The following TSHZ3 variants were observed in gnomAD, a reference collection of about 807,000 sequenced individuals.
TSHZ3 encodes the protein teashirt homolog 3.
Under a neutral mutation model 64.5 loss-of-function variants are expected in TSHZ3, and 10 were observed. The observed-to-expected ratio is 0.16, with a 90% CI of 0.10 to 0.26. TSHZ3 has a LOEUF of 0.26. Ranked by LOEUF, TSHZ3 falls within the 10% of genes least tolerant of loss-of-function variation. The probability of loss-of-function intolerance (pLI) is 1.00; values close to 1 mark genes in which losing one functional copy is unlikely to be tolerated. For synonymous variants in TSHZ3, 608 were observed against 593.1 expected, an observed-to-expected ratio of 1.03 and a Z score of -0.36; for missense variants, 1,242 against 1,421.7, an observed-to-expected ratio of 0.87 and a Z score of 2.03.
downstream of TSHZ3, among the ~76,000 whole-genome samples, chr19:31,273,654 T>A (rs894573682): frequency 6.6e-6 from 1 of 152,204 alleles, no homozygotes; most frequent in African/African-American, 2.4e-5. Context: ...GGCTCCAGGA[T>A]GTGAAGATGC....
intron 5 of TSHZ3, among the ~76,000 whole-genome samples, chr19:31,194,446 T>A (rs1347526505): frequency 6.6e-6 from 1 of 152,122 alleles, no homozygotes; most frequent in Non-Finnish European, 1.5e-5. Flanking sequence ...AGAAAGGAAA[T>A]ACCCAACTCC....
intron 1 of TSHZ3, among the ~76,000 whole-genome samples, chr19:31,301,893 C>G (rs1317914048): frequency 6.6e-6 from 1 of 152,146 alleles, no homozygotes; most frequent in Admixed American, 6.5e-5. Context: ...GGTGGAGACA[C>G]TGTGTCCCAG....
At position 31,277,463 on chromosome 19, in the gene TSHZ3, A is replaced by T; in HGVS notation, c.2330T>A (p.Leu777His). Residue 777 changes from leucine (L) to histidine (H), a missense_variant, in exon 2 of 2, where the codon CTC becomes CAC. Transcript: ENST00000240587. The surrounding 1 kb of genome is among the most constrained non-coding windows in gnomAD (Gnocchi z 4.5). ...PPLQSKKADHLDRYFYHVNND... is the reference protein window; with the variant it reads ...PPLQSKKADHHDRYFYHVNND... Reference sequence around the variant, plus strand: ...GTTGACGTGGTAGAAATAGCGGTCGAGGTGGTCTGCCTTCTTGGACTGCAG... The same window carrying T: ...GTTGACGTGGTAGAAATAGCGGTCGTGGTGGTCTGCCTTCTTGGACTGCAG... 6.2e-7 allele frequency: 1 copy of T among 1,613,604 alleles called. No individual in the cohort carries two copies. Among genetic ancestry groups the T allele is most frequent in the Non-Finnish European group, 8.5e-7 (1 of 1,179,822 alleles).
chr19:31,321,808 G>C (rs771004741), intron 1 of TSHZ3, among the ~76,000 whole-genome samples: 2 of 151,786 alleles, frequency 1.3e-5, no homozygotes, highest in Non-Finnish European at 2.9e-5. Context: ...ATGAGTAAAC[G>C]CATTTCCTTG....
At chr19:31,171,279 C>T (rs1466932361) in intron 5 of TSHZ3, among the ~76,000 whole-genome samples, 3 of 152,046 alleles carry the variant, frequency 2.0e-5, no homozygotes, top group Non-Finnish European at 4.4e-5. Context: ...GTCTAGATCA[C>T]GTCGCTCCCT....
intron 1 of TSHZ3, among the ~76,000 whole-genome samples, chr19:31,338,581 CTTTTTTT>C (rs34643581): frequency 8.4e-6 from 1 of 119,106 alleles, no homozygotes. Flanking sequence ...TTTTTTTTTT[CTTTTTTT>C]TTTTTTTTTA....
chr19:31,250,332 C>T (rs1568359642), intron 1 of TSHZ3, among the ~76,000 whole-genome samples: 1 of 152,222 alleles, frequency 6.6e-6, no homozygotes, highest in Non-Finnish European at 1.5e-5. Flanking sequence ...TTACCTCTCA[C>T]AAACGCTGGT....
chr19:31,323,328 C>A (rs1290124568), intron 1 of TSHZ3, among the ~76,000 whole-genome samples: 1 of 152,200 alleles, frequency 6.6e-6, no homozygotes, highest in African/African-American at 2.4e-5. Flanking sequence ...GCACTCTTTA[C>A]TATTCAATGG....
At chr19:31,307,444 C>T (rs768817548) in intron 1 of TSHZ3, among the ~76,000 whole-genome samples, 11 of 152,094 alleles carry the variant, frequency 7.2e-5, no homozygotes, top group Admixed American at 2.0e-4. Context: ...ACATGAGGCC[C>T]GAACCACCCT....
intron 4 of TSHZ3, among the ~76,000 whole-genome samples, chr19:31,209,149 G>A (rs1975226757): frequency 6.6e-6 from 1 of 152,168 alleles, no homozygotes; most frequent in Non-Finnish European, 1.5e-5. Flanking sequence ...ATGACTCCAT[G>A]TAGAAAGCCT....
In TSHZ3 at chr19:31,276,497, C is replaced by T; in HGVS notation, c.*50G>A. The T allele has an allele frequency of 6.6e-7, 1 of 1,504,204 alleles. No individual in the cohort carries two copies. Among genetic ancestry groups the T allele is most frequent in the Non-Finnish European group, 8.9e-7 (1 of 1,121,964 alleles). 93.2% of individuals were successfully genotyped at this position (1,504,204 alleles called of 1,614,324 possible). ...GTCAGAGGGGGCCTGAAGGTGCCTT[C>T]CACAGTTTCCCTCAAAGCAAACTGC... On this transcript the variant is annotated 3_prime_UTR_variant, in exon 2 of 2. Transcript: ENST00000240587.
At chr19:31,242,639 C>T (rs933879853) in exon 3 of TSHZ3, among the ~76,000 whole-genome samples, 5 of 150,474 alleles carry the variant, frequency 3.3e-5, no homozygotes, top group Non-Finnish European at 4.4e-5. Flanking sequence ...CTCAGTTCTA[C>T]GAGAGAGAAC....
Position 31,297,801 on chromosome 19 carries a change from G to C in TSHZ3, c.41-18049C>G, listed in dbSNP as rs76287024. ...ATGCAAGTGCTCTAGAAACACACAG[G>C]CTTGGAGAGGACACTCAAAATAAAC... On this transcript the variant is annotated intron_variant, in intron 1 of 1. Transcript: ENST00000240587. Among the ~76,000 whole-genome samples, 427 of 152,212 alleles carry C rather than the reference G, an allele frequency of 2.8e-3. 2 individuals carry two copies. Among genetic ancestry groups the C allele is most frequent in the African/African-American group, 9.8e-3 (408 of 41,526 alleles).
chr19:31,317,976 C>A (rs1163705212), intron 1 of TSHZ3, among the ~76,000 whole-genome samples: 1 of 152,148 alleles, frequency 6.6e-6, no homozygotes, highest in Non-Finnish European at 1.5e-5. Flanking sequence ...AAAATCAATT[C>A]AAAGATTCAA....
chr19:31,175,264 T>A (rs1275737958), intron 5 of TSHZ3, among the ~76,000 whole-genome samples: 3 of 152,052 alleles, frequency 2.0e-5, no homozygotes, highest in Admixed American at 6.5e-5. Flanking sequence ...CATACGGCTT[T>A]GTGTTTTGTT....
intron 1 of TSHZ3, among the ~76,000 whole-genome samples, chr19:31,291,547 G>A (rs902415874): frequency 2.0e-5 from 3 of 152,190 alleles, no homozygotes; most frequent in Non-Finnish European, 2.9e-5. Context: ...TTGCTCTGCT[G>A]CAGTTAGGGC....
chr19:31,322,569 T>C (rs555873543), intron 1 of TSHZ3, among the ~76,000 whole-genome samples: 1 of 152,296 alleles, frequency 6.6e-6, no homozygotes, highest in East Asian at 1.9e-4. Flanking sequence ...TACAGATGCA[T>C]GCTACCATGC....
intron 4 of TSHZ3, among the ~76,000 whole-genome samples, chr19:31,214,894 C>T (rs1233922658): frequency 2.2e-4 from 28 of 128,118 alleles, no homozygotes; most frequent in African/African-American, 7.8e-4. Context: ...GGCGACAGAG[C>T]GAGACTCTGT....
In TSHZ3 at chr19:31,160,226, G is replaced by A. The variant is rs977238622; in HGVS notation, n.810-3809C>T. Among the ~76,000 whole-genome samples, 47 of 152,278 alleles carry A rather than the reference G, an allele frequency of 3.1e-4. 1 individual carries two copies. The highest frequency in any genetic ancestry group is 1.1e-3 in the African/African-American group (46 of 41,542). ...GCCAAAGTCACACAGCCAACAAGTA[G>A]GAGCACAGGCTGTGGACTCTGGAGG... On this transcript the variant is annotated intron_variant and non_coding_transcript_variant, in intron 5 of 6. Coordinates refer to the TSHZ3 transcript ENST00000651361.
Sources: allele counts gnomAD v4.1 joint callset (sites outside exome capture counted in the v4.1 genomes callset), GRCh38; gene constraint gnomAD v4.1.1; non-coding constraint Gnocchi (gnomAD v3.1); transcripts MANE v1.5; gene names NCBI Gene and HGNC (gene_info 2026-07-23, HGNC 2026-07-21).